ZFYVE16: variants seen among roughly 807,000 people sequenced by gnomAD.
The protein encoded by ZFYVE16 is zinc finger FYVE domain-containing protein 16.
In ZFYVE16, 89 loss-of-function variants were observed where a neutral mutation model predicts 138.1. The observed-to-expected ratio is 0.64, with a 90% CI of 0.54 to 0.77. The LOEUF (loss-of-function observed/expected upper bound fraction) is 0.77, where lower values mean the gene tolerates loss of function less well. ZFYVE16 is among the 30% of genes least tolerant of loss of function. The pLI is 0.00. For missense variants in ZFYVE16, 1,793 were observed against 1,786.7 expected (o/e 1.00, Z -0.06); for synonymous variants, 596 against 618.3 (o/e 0.96, Z 0.53).
chr5:80,426,272 G>GTGTGTGTGTA (rs1370196862), intron 1 of ZFYVE16, among the ~76,000 whole-genome samples: 17 of 26,468 alleles, frequency 6.4e-4, no homozygotes, highest in African/African-American at 9.4e-4. Flanking sequence ...GTGTGTGTGT[G>GTGTGTGTGTA]TATATATATA....
Position 80,436,844 on chromosome 5 carries a change from T to G in ZFYVE16, c.159T>G (p.Thr53=). Residue 53 remains threonine, a synonymous_variant, in exon 4 of 19, where the codon ACT becomes ACG. Coordinates refer to ENST00000505560, the MANE Select transcript of ZFYVE16 (RefSeq NM_001284236.3). ...CAGAGTTGGCTTCCTCACAGCGAAC[T>G]TCATTGCTCCCAAAAGACCAAGAGT... ...VSSELASSQR[T]SLLPKDQECV... 6.2e-7 allele frequency: 1 copy of G among 1,614,188 alleles called. No individual in the cohort carries two copies. Among genetic ancestry groups the G allele is most frequent in the South Asian group, 1.1e-5 (1 of 91,082 alleles).
chr5:80,421,081 A>G (rs1382961654), intron 1 of ZFYVE16, among the ~76,000 whole-genome samples: 4 of 152,190 alleles, frequency 2.6e-5, no homozygotes, highest in African/African-American at 4.8e-5. Flanking sequence ...TTTTTTGGCT[A>G]CATAAATGTC....
Position 80,438,415 on chromosome 5 carries a change from T to C in ZFYVE16, c.1730T>C (p.Ile577Thr), listed in dbSNP as rs754090134. The stretch of plus-strand genomic sequence containing the variant: ...TTAGATGATGGAAACATCAATAATA[T>C]ATATTTCAATGCAGAAGCAGGAGCT... Reference protein sequence around the residue: ...KGLDDGNINNIYFNAEAGAIG... With the variant: ...KGLDDGNINNTYFNAEAGAIG... Residue 577 changes from isoleucine (I) to threonine (T), a missense_variant, in exon 4 of 19, where the codon ATA (isoleucine) becomes ACA (threonine). Ile to Thr is a moderately conservative substitution (Grantham distance 89). Around this residue, in one of 2 missense-constraint regions of ZFYVE16, gnomAD observed 1,295 missense variants for 1,204.3 expected, o/e 1.08. Coordinates refer to ENST00000505560, the MANE Select transcript of ZFYVE16 (RefSeq NM_001284236.3). 31 of 1,613,674 alleles carry C rather than the reference T, an allele frequency of 1.9e-5. No individual in the cohort carries two copies. Among genetic ancestry groups the C allele is most frequent in the Non-Finnish European group, 2.5e-5 (29 of 1,179,788 alleles).
chr5:80,437,872 A>AT lies in ZFYVE16; in HGVS notation c.1193dup (p.Leu398PhefsTer5). The AT allele has an allele frequency of 6.2e-7, 1 of 1,613,998 alleles. No individual in the cohort carries two copies. Among genetic ancestry groups the AT allele is most frequent in the Non-Finnish European group, 8.5e-7 (1 of 1,179,940 alleles). On this transcript the variant is annotated frameshift_variant, in exon 4 of 19. Transcript: ENST00000505560. LOFTEE classifies it high-confidence loss of function. ...TTAATTGAAAGTAAAGCACGGGGTG[A>AT]TTTTTTACCTCAGCATGAACATAAA...
intron 1 of ZFYVE16, among the ~76,000 whole-genome samples, chr5:80,426,244 G>A (rs1477034342): frequency 8.3e-5 from 9 of 108,374 alleles, no homozygotes; most frequent in Admixed American, 4.3e-4. Flanking sequence ...GTGTGTGTCT[G>A]TGTGTGTGTG....
chr5:80,443,247 T>C lies in ZFYVE16; in HGVS notation c.2544T>C (p.Thr848=). 6.2e-7 allele frequency: 1 copy of C among 1,611,516 alleles called. No individual in the cohort carries two copies. Among genetic ancestry groups the C allele is most frequent in the Non-Finnish European group, 8.5e-7 (1 of 1,179,416 alleles). The change falls in exon 6 of 19, where the codon ACT becomes ACC. Residue 848 remains threonine (T), a synonymous_variant. Transcript: ENST00000505560. ...NQTSSIPSPA[T]LPVSALKQPG... is the part of the protein sequence containing the mutation. ...CATCCAGTATACCTTCACCAGCAAC[T>C]TTGCCAGTCTCAGCACTTAAACAAC...
intron 16 of ZFYVE16, 115 bp downstream of exon 16, chr5:80,473,038 T>C: frequency 1.0e-6 from 1 of 958,870 alleles, no homozygotes; most frequent in Non-Finnish European, 1.5e-6. Flanking sequence ...ACCATCAATT[T>C]AAATGCCTTT....
In ZFYVE16 at chr5:80,418,107, T is replaced by A. The variant is rs191684791; in HGVS notation, c.-93-9385T>A. Reference sequence around the variant, plus strand: ...CTTCTTTGGTAAGATGTCCATTCAGTACTTTTGCCAATTTTAAAATTGGAT... The same window carrying A: ...CTTCTTTGGTAAGATGTCCATTCAGAACTTTTGCCAATTTTAAAATTGGAT... On this transcript the variant is annotated intron_variant, in intron 1 of 18. Coordinates refer to ENST00000505560, the MANE Select transcript of ZFYVE16 (RefSeq NM_001284236.3). Among the ~76,000 whole-genome samples the A allele has an allele frequency of 6.2e-3, 946 of 152,298 alleles. 10 individuals carry two copies. The highest frequency in any genetic ancestry group is 0.021 in the African/African-American group (874 of 41,558).
intron 2 of ZFYVE16, among the ~76,000 whole-genome samples, chr5:80,433,470 G>A (rs955588564): frequency 5.3e-5 from 8 of 152,146 alleles, no homozygotes; most frequent in Non-Finnish European, 8.8e-5. Flanking sequence ...ATAGCATTAG[G>A]AGATATACCT....
At position 80,437,309 on chromosome 5, in the gene ZFYVE16, T is replaced by G. The variant is rs147074544; in HGVS notation, c.624T>G (p.Gly208=). The G allele has an allele frequency of 3.5e-4, 562 of 1,606,462 alleles. 3 individuals are homozygous for G. The African/African-American group carries it at 6.6e-3, about 19-fold the overall frequency. The change falls in exon 4 of 19, where the codon GGT becomes GGG. Residue 208 remains glycine, a synonymous_variant. Transcript: ENST00000505560. The part of the protein sequence containing the change: ...NREIGGIKEL[G]IKVDTTLSDS... ...AAATCGGAGGAATCAAAGAATTGGG[T>G]ATAAAAGTAGATACAACACTTTCAG...
intron 1 of ZFYVE16, among the ~76,000 whole-genome samples, chr5:80,415,766 C>T (rs184502390): frequency 2.8e-4 from 43 of 152,176 alleles, no homozygotes; most frequent in African/African-American, 1.0e-3. Context: ...CTACCGGGTT[C>T]AAGCGATTCT....
intron 15 of ZFYVE16, among the ~76,000 whole-genome samples, 158 bp downstream of exon 15, chr5:80,459,652 A>C (rs1048319701): frequency 2.0e-5 from 3 of 152,156 alleles, no homozygotes; most frequent in Non-Finnish European, 4.4e-5. Flanking sequence ...TAGAAGACTT[A>C]TCTCTCTCTT....
chr5:80,424,662 A>G (rs758699045), intron 1 of ZFYVE16, among the ~76,000 whole-genome samples: 7 of 151,952 alleles, frequency 4.6e-5, no homozygotes, highest in South Asian at 2.1e-4. Flanking sequence ...GGGTTTCACT[A>G]TGTTGGCCAG....
Position 80,448,380 on chromosome 5 carries a change from G to A in ZFYVE16, c.3079G>A (p.Val1027Ile). The A allele has an allele frequency of 1.3e-6, 2 of 1,557,010 alleles. No individual in the cohort carries two copies. Among genetic ancestry groups the A allele is most frequent in the Non-Finnish European group, 1.7e-6 (2 of 1,154,676 alleles). The change falls in exon 8 of 19, where the codon GTT becomes ATT. Residue 1027 changes from valine to isoleucine, a missense_variant. By Grantham distance (29) the Val-to-Ile change is conservative. This residue lies in a region of ZFYVE16 where 1,295 missense variants were observed against 1,204.3 expected (regional missense o/e 1.08). Transcript: ENST00000505560. ...TGAGGACAGTTTGCCCCCACTTCTG[G>A]TTGCATCTGGAGAAAAGGGATCAGG... ...NDEDSLPPLL[V>I]ASGEKGSVPV...
chr5:80,422,106 T>C (rs541943019), intron 1 of ZFYVE16, among the ~76,000 whole-genome samples: 2 of 152,332 alleles, frequency 1.3e-5, no homozygotes, highest in African/African-American at 4.8e-5. Context: ...TTGTCTGTTA[T>C]TGGTGTATAA....
chr5:80,429,482 G>A (rs1001145213), intron 2 of ZFYVE16, among the ~76,000 whole-genome samples: 6 of 152,206 alleles, frequency 3.9e-5, no homozygotes, highest in Admixed American at 3.9e-4. Flanking sequence ...GCTGGTACCA[G>A]CCACTGCAAA....
At chr5:80,450,855 C>A (rs1251223401) in intron 10 of ZFYVE16, among the ~76,000 whole-genome samples, 4 of 143,000 alleles carry the variant, frequency 2.8e-5, no homozygotes, top group African/African-American at 1.0e-4. Context: ...GTCTCCACCC[C>A]GGCTGGAGTG....
intron 14 of ZFYVE16, among the ~76,000 whole-genome samples, chr5:80,458,238 A>G (rs187590277): frequency 6.6e-6 from 1 of 152,172 alleles, no homozygotes; most frequent in Admixed American, 6.5e-5. Flanking sequence ...TTTAATATTT[A>G]TTTGTTGAAT....
Position 80,437,937 on chromosome 5 carries a change from C to G in ZFYVE16, c.1252C>G (p.Gln418Glu), listed in dbSNP as rs909757269. 4 of 1,613,876 alleles carry G rather than the reference C, an allele frequency of 2.5e-6. No homozygotes were observed. Among genetic ancestry groups the G allele is most frequent in the Admixed American group, 3.3e-5 (2 of 59,986 alleles). ...TGCAGTGACTATACATGAAGAAATA[C>G]AGAACAGTGTTGTTCTAGGTGGGGA... ...QDAVTIHEEI[Q>E]NSVVLGGEPF... The change falls in exon 4 of 19, where the codon CAG becomes GAG. Residue 418 changes from glutamine to glutamate, a missense_variant. Around this residue, in one of 2 missense-constraint regions of ZFYVE16, gnomAD observed 1,295 missense variants for 1,204.3 expected, o/e 1.08. Transcript: ENST00000505560.
Sources: allele counts gnomAD v4.1 joint callset (sites outside exome capture counted in the v4.1 genomes callset), GRCh38; gene constraint gnomAD v4.1.1; regional missense constraint gnomAD v4.1.1; transcripts MANE v1.5; gene names NCBI Gene and HGNC (gene_info 2026-07-23, HGNC 2026-07-21).